SSH3: variants seen among roughly 807,000 people sequenced by gnomAD.
SSH3 encodes protein phosphatase Slingshot homolog 3.
SSH3 carries 67 observed loss-of-function variants against 75.0 expected under a neutral mutation model. The observed-to-expected ratio is 0.89, with a 90% CI of 0.73 to 1.10. The LOEUF (loss-of-function observed/expected upper bound fraction) is 1.10, where lower values mean the gene tolerates loss of function less well. SSH3 is among the 50% of genes least tolerant of loss of function. The probability of loss-of-function intolerance (pLI) is 0.00; values close to 1 mark genes in which losing one functional copy is unlikely to be tolerated. For synonymous variants in SSH3, 318 were observed against 349.2 expected (o/e 0.91, Z 1.00); for missense variants, 824 against 872.7 (o/e 0.94, Z 0.70).
intron 2 of SSH3, among the ~76,000 whole-genome samples, chr11:67,304,521 C>T (rs1245912652): frequency 6.6e-6 from 1 of 152,236 alleles, no homozygotes; most frequent in Non-Finnish European, 1.5e-5. Flanking sequence ...AGCCCCCTCT[C>T]CCCACAGATG....
Position 67,307,484 on chromosome 11 carries a change from A to G in SSH3, c.602+48A>G. 6.2e-7 allele frequency: 1 copy of G among 1,613,552 alleles called. No homozygotes were observed. Among genetic ancestry groups the G allele is most frequent in the Non-Finnish European group, 8.5e-7 (1 of 1,179,872 alleles). On this transcript the variant is annotated intron_variant, in intron 6 of 13. Transcript: ENST00000308127. The surrounding 1 kb of genome is among the most constrained non-coding windows in gnomAD (Gnocchi z 4.2). ...CTCAGGCCAGCCTCTCCTTCGAAGG[A>G]GGCTGCAGGGCCTGGGGAAGGGCAG...
rs1017104614 is a variant in SSH3, at chr11:67,310,317, C to T, written c.1661C>T (p.Ser554Leu). The change falls in exon 13 of 14, where the codon TCA (serine) becomes TTA (leucine). Residue 554 changes from serine (S) to leucine (L), a missense_variant. Physicochemically the swap from Ser to Leu is moderately radical, Grantham distance 145. Coordinates refer to ENST00000308127, the MANE Select transcript of SSH3 (RefSeq NM_017857.4). The part of the protein sequence containing the change: ...LEPSLELEST[S>L]ETSDMPEVFS... ...CCCTCCTTGGAGCTGGAGAGCACCT[C>T]AGAGACCAGTGACATGCCAGAGGTG... 1 of 1,611,668 alleles carries T rather than the reference C, an allele frequency of 6.2e-7. No individual in the cohort carries two copies. Among genetic ancestry groups the T allele is most frequent in the Admixed American group, 1.7e-5 (1 of 59,822 alleles).
intron 11 of SSH3, 37 bp downstream of exon 11, chr11:67,309,580 C>T (rs772770751): frequency 2.9e-5 from 46 of 1,606,474 alleles, no homozygotes; most frequent in Non-Finnish European, 3.9e-5. Flanking sequence ...CCCACTGTGG[C>T]TTCAAGCGGC....
At position 67,307,195 on chromosome 11, in the gene SSH3, T is replaced by C. The variant is rs1590885309; in HGVS notation, c.536+82T>C. 1 of 1,581,930 alleles carries C rather than the reference T, an allele frequency of 6.3e-7. No individual in the cohort carries two copies. The highest frequency in any genetic ancestry group is 1.3e-5 in the African/African-American group (1 of 74,420). ...ATGTGACGGGGCCTGGGCACCAGGG[T>C]ACAGTAGAACTTTAGGCTGGGACTC... On this transcript the variant is annotated intron_variant, in intron 5 of 13. Coordinates refer to ENST00000308127, the MANE Select transcript of SSH3 (RefSeq NM_017857.4). The surrounding 1 kb of genome is among the most constrained non-coding windows in gnomAD (Gnocchi z 4.2).
In SSH3 at chr11:67,304,717, G is replaced by A. The variant is rs897568018; in HGVS notation, c.105-56G>A. ...GAATGTGATGCATGCTAGACTTTGA[G>A]AGCCCCTACCCTAAGGGGAATGAGG... is the stretch of plus-strand genomic sequence containing the variant. On this transcript the variant is annotated intron_variant, in intron 2 of 13. Transcript: ENST00000308127. The A allele has an allele frequency of 4.6e-6, 7 of 1,520,188 alleles. No homozygotes were observed. In the Admixed American group the frequency reaches 5.9e-5, roughly 13 times the overall value. 94.2% of individuals were successfully genotyped at this position (1,520,188 alleles called of 1,614,324 possible). A position where few individuals can be genotyped will look rare whatever the true frequency, so the allele number is the denominator to read the frequency against.
chr11:67,305,228 C>G (rs1391451265), intron 3 of SSH3, among the ~76,000 whole-genome samples: 2 of 151,930 alleles, frequency 1.3e-5, no homozygotes, highest in Non-Finnish European at 2.9e-5. Flanking sequence ...GCTCTGTTGC[C>G]CAGGCTGGAG....
At chr11:67,306,106 G>C (rs903960759) in intron 3 of SSH3, among the ~76,000 whole-genome samples, 4 of 150,760 alleles carry the variant, frequency 2.7e-5, no homozygotes, top group African/African-American at 9.8e-5. Flanking sequence ...TGGCTAACAC[G>C]GTGAAACCCC....
intron 13 of SSH3, 71 bp downstream of exon 13, chr11:67,310,410 G>C (rs1298655332): frequency 6.5e-7 from 1 of 1,527,844 alleles, no homozygotes; most frequent in African/African-American, 1.4e-5. Context: ...GGAAAGACCA[G>C]GATGGGCGTT....
chr11:67,306,720 G>A, intron 3 of SSH3, 118 bp from the exon 4 acceptor site: 1 of 1,213,730 alleles, frequency 8.2e-7, no homozygotes, highest in Non-Finnish European at 1.1e-6. Flanking sequence ...TTACATCTGG[G>A]AAGAGGGGGG....
At position 67,310,349 on chromosome 11, in the gene SSH3, G is replaced by A. The variant is rs1255229598; in HGVS notation, c.1683+10G>A. On this transcript the variant is annotated intron_variant, in intron 13 of 13. Transcript: ENST00000308127. ...CAGTGACATGCCAGAGGTGAGGCTG[G>A]GGCTGGGGGAGCTCAGCTTGCAGGG... is the stretch of plus-strand genomic sequence containing the variant. The A allele has an allele frequency of 5.0e-6, 8 of 1,594,646 alleles. No homozygotes were observed. The South Asian group carries it at 9.0e-5, about 18-fold the overall frequency.
At chr11:67,303,821 G>C in intron 1 of SSH3, 130 bp downstream of exon 1, 2 of 978,192 alleles carry the variant, frequency 2.0e-6, no homozygotes, top group Non-Finnish European at 2.8e-6. Flanking sequence ...GCTGGAGGGC[G>C]CTGGGGGCCT....
chr11:67,303,960 G>A (rs1264247020), intron 1 of SSH3, 158 bp from the exon 2 acceptor site: 3 of 1,023,902 alleles, frequency 2.9e-6, no homozygotes, highest in African/African-American at 3.4e-5. Context: ...GCCTTGGGCC[G>A]GGGCTCCACG....
chr11:67,304,308 G>T (rs1861165070), intron 2 of SSH3, among the ~76,000 whole-genome samples, 153 bp downstream of exon 2: 1 of 152,250 alleles, frequency 6.6e-6, no homozygotes, highest in African/African-American at 2.4e-5. Context: ...GGTGGGGCCG[G>T]CTGGTGGGCT....
chr11:67,304,701 G>A, intron 2 of SSH3, 72 bp from the exon 3 acceptor site: 1 of 1,440,912 alleles, frequency 6.9e-7, no homozygotes, highest in Non-Finnish European at 9.5e-7. Context: ...TGAATGTGAT[G>A]CATGCTAGAC....
In SSH3 at chr11:67,307,891, G is replaced by A; in HGVS notation, c.837G>A (p.Leu279=). The change falls in exon 8 of 14, where the codon CTG becomes CTA. Residue 279 remains leucine, a synonymous_variant. Transcript: ENST00000308127. This position sits in a 1 kb window ranked among gnomAD's most constrained non-coding sequence, Gnocchi z 4.2. ...EQMEQAIRAE[L]WKVLDVSDLE... Reference sequence around the variant, plus strand: ...TGGAGCAGGCGATCCGTGCTGAGCTGTGGAAAGTGTTGGATGTCAGTGACC... The same window carrying A: ...TGGAGCAGGCGATCCGTGCTGAGCTATGGAAAGTGTTGGATGTCAGTGACC... 1 of 1,614,240 alleles carries A rather than the reference G, an allele frequency of 6.2e-7. No individual in the cohort carries two copies. The highest frequency in any genetic ancestry group is 1.3e-5 in the African/African-American group (1 of 75,064).
intron 1 of SSH3, 46 bp downstream of exon 1, chr11:67,303,737 G>T (rs764607307): frequency 2.0e-5 from 29 of 1,428,904 alleles, no homozygotes; most frequent in Non-Finnish European, 2.4e-5. Flanking sequence ...TTGCTGCCCC[G>T]GCTTGGGAGC....
chr11:67,306,195 A>T (rs1392023072), intron 3 of SSH3, among the ~76,000 whole-genome samples: 1 of 151,980 alleles, frequency 6.6e-6, no homozygotes, highest in Non-Finnish European at 1.5e-5. Context: ...AGGCTGAGGC[A>T]GGAGAATGGC....
chr11:67,307,276 G>T lies in SSH3; in HGVS notation c.537-95G>T. 1 of 1,576,024 alleles carries T rather than the reference G, an allele frequency of 6.3e-7. No individual in the cohort carries two copies. The highest frequency in any genetic ancestry group is 1.1e-5 in the South Asian group (1 of 87,414). ...CACCGTGATCCTGAGCAAGGCACCT[G>T]ACTCCTGGGTCTCGGCTTCCCGTAT... On this transcript the variant is annotated intron_variant, in intron 5 of 13. Coordinates refer to ENST00000308127, the MANE Select transcript of SSH3 (RefSeq NM_017857.4). The surrounding 1 kb of genome is among the most constrained non-coding windows in gnomAD (Gnocchi z 4.2).
At position 67,312,030 on chromosome 11, in the gene SSH3, C is replaced by A. The variant is rs61891568; in HGVS notation, c.*143C>A. The A allele has an allele frequency of 1.3e-5, 15 of 1,121,894 alleles. No individual in the cohort carries two copies. The Admixed American group carries it at 6.4e-4, about 48-fold the overall frequency. 69.5% of individuals were successfully genotyped at this position (1,121,894 alleles called of 1,614,324 possible). ...ACAGCCTCACCTCCCACCCCTGTCA[C>A]TACGGCCTCACCTCCCACCCCTGTC... On this transcript the variant is annotated 3_prime_UTR_variant, in exon 14 of 14. Transcript: ENST00000308127.
Sources: allele counts gnomAD v4.1 joint callset (sites outside exome capture counted in the v4.1 genomes callset), GRCh38; gene constraint gnomAD v4.1.1; non-coding constraint Gnocchi (gnomAD v3.1); transcripts MANE v1.5; gene names NCBI Gene and HGNC (gene_info 2026-07-23, HGNC 2026-07-21).